The following NGEF variants were observed in gnomAD, a reference collection of about 807,000 sequenced individuals.
NGEF encodes the protein ephexin-1.
In NGEF, 31 loss-of-function variants were observed where a neutral mutation model predicts 80.9. The observed-to-expected ratio is 0.38, with a 90% CI of 0.29 to 0.52. NGEF has a LOEUF of 0.52. Among genes scored for constraint, NGEF ranks in the 20% least tolerant of loss-of-function variants. NGEF has a pLI of 0.84. For missense variants in NGEF, 709 were observed against 926.2 expected (o/e 0.77, Z 3.04); for synonymous variants, 371 against 370.2 (o/e 1.00, Z -0.03).
intron 10 of NGEF, among the ~76,000 whole-genome samples, chr2:232,884,722 C>G (rs1691620259): frequency 6.6e-6 from 1 of 152,194 alleles, no homozygotes; most frequent in Non-Finnish European, 1.5e-5. Flanking sequence ...CCGTGTGGAG[C>G]TACATGGGAC....
intron 1 of NGEF, among the ~76,000 whole-genome samples, chr2:232,999,342 AT>A (rs890856789): frequency 1.7e-4 from 26 of 152,176 alleles, no homozygotes; most frequent in African/African-American, 4.3e-4. Flanking sequence ...TAAAAAAAAA[AT>A]CGAGTGTCTG....
At chr2:233,003,621 G>A (rs1695026964) in intron 1 of NGEF, among the ~76,000 whole-genome samples, 1 of 152,158 alleles carries the variant, frequency 6.6e-6, no homozygotes, top group African/African-American at 2.4e-5. Flanking sequence ...AGTCCATGGA[G>A]ACGTCTGTTC....
intron 1 of NGEF, among the ~76,000 whole-genome samples, chr2:232,993,145 A>T (rs1381851941): frequency 1.3e-4 from 17 of 127,212 alleles, no homozygotes; most frequent in African/African-American, 2.5e-4. Context: ...ATTTATATAT[A>T]TATGGGCAAA....
chr2:233,007,302 A>G (rs980966363), intron 1 of NGEF, among the ~76,000 whole-genome samples: 8 of 152,240 alleles, frequency 5.3e-5, no homozygotes, highest in Admixed American at 2.0e-4. Context: ...TTTCTCAAGA[A>G]AACAGCTTTA....
intron 5 of NGEF, among the ~76,000 whole-genome samples, chr2:232,897,491 T>C (rs1574998897): frequency 6.6e-6 from 1 of 152,060 alleles, no homozygotes; most frequent in South Asian, 2.1e-4. Flanking sequence ...AGCGCAGGGG[T>C]TTGCTGGGCA....
chr2:232,879,773 G>A, intron 14 of NGEF, 94 bp from the exon 15 acceptor site: 1 of 1,179,798 alleles, frequency 8.5e-7, no homozygotes, highest in Non-Finnish European at 1.2e-6. Flanking sequence ...ATCTGTGGCG[G>A]GACACTAGGG....
At chr2:232,946,300 G>A (rs542793684) in intron 3 of NGEF, among the ~76,000 whole-genome samples, 2 of 151,948 alleles carry the variant, frequency 1.3e-5, no homozygotes, top group East Asian at 1.9e-4. Flanking sequence ...TGGGAAGGGG[G>A]TGAGGGATAA....
intron 5 of NGEF, among the ~76,000 whole-genome samples, chr2:232,899,543 T>C (rs7575584): frequency 0.11 from 15,337 of 144,262 alleles, 1,010 homozygotes; most frequent in African/African-American, 0.19. Flanking sequence ...CTCATATACA[T>C]GTTCACTCAC....
intron 3 of NGEF, among the ~76,000 whole-genome samples, chr2:232,941,536 A>G (rs1483452464): frequency 6.7e-6 from 1 of 150,208 alleles, no homozygotes; most frequent in African/African-American, 2.5e-5. Flanking sequence ...GTTAAGTTAG[A>G]TCTTTCACTG....
intron 1 of NGEF, among the ~76,000 whole-genome samples, chr2:232,988,611 G>A (rs898874279): frequency 1.3e-5 from 2 of 152,126 alleles, no homozygotes; most frequent in African/African-American, 2.4e-5. Flanking sequence ...AGCCATCTCC[G>A]CTGCAGGAAT....
chr2:232,888,217 A>AGCAT (rs1233835550), intron 8 of NGEF, 110 bp from the exon 9 acceptor site: 8 of 731,440 alleles, frequency 1.1e-5, no homozygotes, highest in Non-Finnish European at 1.9e-5. Flanking sequence ...CCCATGCTGC[A>AGCAT]GCATGCACAC....
intron 1 of NGEF, chr2:233,012,730 G>A (rs1406873702): frequency 5.0e-6 from 2 of 403,516 alleles, no homozygotes; most frequent in Admixed American, 6.7e-5. Flanking sequence ...TTTAACAAGG[G>A]GCCCTGCATT....
intron 1 of NGEF, among the ~76,000 whole-genome samples, chr2:233,006,665 T>C (rs568510380): frequency 2.0e-5 from 3 of 152,350 alleles, no homozygotes; most frequent in Non-Finnish European, 4.4e-5. Flanking sequence ...TCTCATGGCA[T>C]ATCAGGAAAA....
At chr2:233,008,320 C>A (rs541554872) in intron 1 of NGEF, among the ~76,000 whole-genome samples, 9 of 152,238 alleles carry the variant, frequency 5.9e-5, no homozygotes, top group African/African-American at 2.2e-4. Context: ...GAGGAGCAGG[C>A]AGTTTTGCCA....
At position 232,939,758 on chromosome 2, in the gene NGEF, G is replaced by C. The variant is rs145141039; in HGVS notation, c.384-12572C>G. Among the ~76,000 whole-genome samples, 514 of 152,262 alleles carry C rather than the reference G, an allele frequency of 3.4e-3. 23 individuals carry two copies. In the East Asian group the frequency reaches 0.076, roughly 23 times the overall value. ...CATGCCTGTAATCCCAGCACTTTGG[G>C]AGAATGAGGCAGGTGGATCACCTGA... On this transcript the variant is annotated intron_variant, in intron 3 of 14. Coordinates refer to ENST00000264051, the MANE Select transcript of NGEF (RefSeq NM_019850.3).
chr2:232,965,718 T>C (rs562434250), intron 3 of NGEF, among the ~76,000 whole-genome samples: 2 of 152,108 alleles, frequency 1.3e-5, no homozygotes, highest in East Asian at 1.9e-4. Flanking sequence ...CCACAGCAGG[T>C]GTATCATGAC....
At chr2:232,943,871 T>C (rs777787024) in intron 3 of NGEF, among the ~76,000 whole-genome samples, 17 of 151,892 alleles carry the variant, frequency 1.1e-4, no homozygotes, top group South Asian at 2.1e-4. Flanking sequence ...GACACTGAAA[T>C]ACATTCCTGA....
intron 5 of NGEF, among the ~76,000 whole-genome samples, chr2:232,908,109 C>CA (rs1046687063): frequency 4.0e-5 from 6 of 151,112 alleles, no homozygotes; most frequent in East Asian, 1.9e-4. Flanking sequence ...GACTCTGTCA[C>CA]AAAAAAAATA....
chr2:232,883,900 AC>A, intron 11 of NGEF, 80 bp downstream of exon 11: 4 of 1,415,490 alleles, frequency 2.8e-6, no homozygotes, highest in Non-Finnish European at 2.8e-6. Context: ...GACACCCCCA[AC>A]CCCCAGGCCA....
Sources: gnomAD v4.1 joint callset for allele counts (sites outside exome capture counted in the v4.1 genomes callset) on GRCh38, gnomAD v4.1.1 for gene constraint, MANE v1.5 for transcripts, NCBI Gene and HGNC (gene_info 2026-07-23, HGNC 2026-07-21) for gene names.